Variants in AK7 observed in about 807,000 individuals in gnomAD.
The protein encoded by AK7 is ATP-AMP transphosphorylase 7.
In AK7, 78 loss-of-function variants were observed where a neutral mutation model predicts 96.6. That is an observed-to-expected ratio of 0.81 (90% CI 0.67 to 0.97). AK7 has a LOEUF of 0.97. Ranked by LOEUF, AK7 falls within the 50% of genes least tolerant of loss-of-function variation. The pLI is 0.00. For missense variants in AK7, 855 were observed against 887.9 expected, an observed-to-expected ratio of 0.96 and a Z score of 0.47; for synonymous variants, 302 against 317.2, an observed-to-expected ratio of 0.95 and a Z score of 0.51.
At chr14:96,406,057 A>AT (rs5810770) in intron 3 of AK7, among the ~76,000 whole-genome samples, 404 of 146,472 alleles carry the variant, frequency 2.8e-3, no homozygotes, top group African/African-American at 8.2e-3. Flanking sequence ...AAGCAACCTC[A>AT]TTTTTTTTTT....
At position 96,421,852 on chromosome 14, in the gene AK7, G is replaced by A. The variant is rs149695919; in HGVS notation, c.609+920G>A. 2.6e-4 allele frequency among the ~76,000 whole-genome samples: 40 copies of A among 152,208 alleles called. No homozygotes were observed. In the East Asian group the frequency reaches 6.4e-3, roughly 24 times the overall value. ...GATCTCCTGAACTCGTGATCCGCCC[G>A]CCTGGAACTCCCAAAGTGTTGGGAT... On this transcript the variant is annotated intron_variant, in intron 5 of 17. Transcript: ENST00000267584.
chr14:96,430,466 G>A (rs1892289189), intron 5 of AK7, among the ~76,000 whole-genome samples: 1 of 152,218 alleles, frequency 6.6e-6, no homozygotes, highest in South Asian at 2.1e-4. Context: ...GGGATTACAG[G>A]TGTGAGCCAC....
At chr14:96,431,226 T>C (rs1892331955) in intron 5 of AK7, among the ~76,000 whole-genome samples, 1 of 152,182 alleles carries the variant, frequency 6.6e-6, no homozygotes. Flanking sequence ...GATTCACTGA[T>C]TTTTTGAAGG....
chr14:96,424,049 C>A, intron 5 of AK7: 1 of 735,726 alleles, frequency 1.4e-6, no homozygotes, highest in Non-Finnish European at 2.5e-6. Context: ...AAATCAAGAC[C>A]ATCCCACGAA....
At chr14:96,421,607 CT>C (rs79982057) in intron 5 of AK7, 312 of 139,842 alleles carry the variant, frequency 2.2e-3, no homozygotes, top group Middle Eastern at 3.6e-3. Flanking sequence ...ATTCTCGTAG[CT>C]TTTTTTTTTT....
chr14:96,415,728 TTTTAATACATTAATTAAATTAATTAA>T (rs1219787682), intron 4 of AK7, among the ~76,000 whole-genome samples: 74 of 111,258 alleles, frequency 6.7e-4, no homozygotes, highest in Non-Finnish European at 1.2e-3. Context: ...TATTAATAAA[TTTTAATACATTAATTAAATTAATTAA>T]TTTAATACAT....
chr14:96,475,763 G>C (rs929808450), intron 14 of AK7, among the ~76,000 whole-genome samples: 1 of 152,124 alleles, frequency 6.6e-6, no homozygotes, highest in Admixed American at 6.5e-5. Context: ...CTTGAGTCCA[G>C]GAGTTGGAGA....
At chr14:96,480,794 C>T (rs1472512170) in intron 15 of AK7, among the ~76,000 whole-genome samples, 1 of 152,174 alleles carries the variant, frequency 6.6e-6, no homozygotes, top group African/African-American at 2.4e-5. Context: ...GTGCCCATCT[C>T]ATTTGGCCTC....
chr14:96,415,079 CA>C (rs1331660255), intron 4 of AK7, among the ~76,000 whole-genome samples: 1 of 151,444 alleles, frequency 6.6e-6, no homozygotes, highest in African/African-American at 2.4e-5. Flanking sequence ...CAAGCAGAAA[CA>C]AAAAGAGGAG....
chr14:96,407,016 CTT>C (rs992931662), intron 3 of AK7, among the ~76,000 whole-genome samples: 3 of 152,032 alleles, frequency 2.0e-5, no homozygotes, highest in African/African-American at 4.8e-5. Context: ...TTTTAAATGT[CTT>C]AGAATTCTCC....
At chr14:96,450,442 AAAAG>A in intron 9 of AK7, among the ~76,000 whole-genome samples, 1 of 151,822 alleles carries the variant, frequency 6.6e-6, no homozygotes, top group East Asian at 1.9e-4. Context: ...AAAAAAAAAA[AAAAG>A]AAACAAAACA....
intron 8 of AK7, among the ~76,000 whole-genome samples, 179 bp from the exon 9 acceptor site, chr14:96,449,623 G>C (rs368985680): frequency 2.0e-5 from 3 of 152,138 alleles, no homozygotes; most frequent in African/African-American, 7.2e-5. Context: ...TCGTAGAGAC[G>C]GGGTTTCACC....
chr14:96,486,841 G>T, intron 16 of AK7, 57 bp from the exon 17 acceptor site: 1 of 1,514,636 alleles, frequency 6.6e-7, no homozygotes, highest in Non-Finnish European at 9.1e-7. Context: ...TGAACTGTGT[G>T]AGTGTTCTCC....
At chr14:96,396,440 C>T (rs775485274) in intron 1 of AK7, among the ~76,000 whole-genome samples, 3 of 152,132 alleles carry the variant, frequency 2.0e-5, no homozygotes, top group Non-Finnish European at 4.4e-5. Flanking sequence ...GTTTCCTCAA[C>T]TGTGAAAGAG....
Position 96,442,769 on chromosome 14 carries a change from G to T in AK7, c.730G>T (p.Gly244Cys). 1 of 1,614,174 alleles carries T rather than the reference G, an allele frequency of 6.2e-7. No individual in the cohort carries two copies. ...CGAGATTCCTGCATTACCAGTTTTT[G>T]GCGATGGAACAAATGTAATTCCAAC... Reference protein sequence around the residue: ...LGEIPALPVFGDGTNVIPTIH... With the variant: ...LGEIPALPVFCDGTNVIPTIH... The change falls in exon 7 of 18, where the codon GGC (glycine) becomes TGC (cysteine). Residue 244 changes from glycine to cysteine, a missense_variant. Physicochemically the swap from Gly to Cys is radical, Grantham distance 159. Transcript: ENST00000267584.
At chr14:96,402,552 C>A (rs933593850) in intron 2 of AK7, among the ~76,000 whole-genome samples, 1 of 152,140 alleles carries the variant, frequency 6.6e-6, no homozygotes, top group Non-Finnish European at 1.5e-5. Flanking sequence ...TTCTTCTTTT[C>A]TTTCATGTGT....
intron 12 of AK7, among the ~76,000 whole-genome samples, chr14:96,459,445 G>T (rs1275923916): frequency 6.6e-6 from 1 of 151,876 alleles, no homozygotes; most frequent in Non-Finnish European, 1.5e-5. Context: ...CCAATCAGTT[G>T]GTTGTCCTTT....
At chr14:96,432,814 C>A (rs1464161674) in intron 5 of AK7, among the ~76,000 whole-genome samples, 1 of 140,556 alleles carries the variant, frequency 7.1e-6, no homozygotes, top group Non-Finnish European at 1.5e-5. Context: ...GAAACCCTAT[C>A]TCTACTAAAA....
chr14:96,460,100 A>G (rs1450137043), intron 12 of AK7, among the ~76,000 whole-genome samples: 1 of 152,198 alleles, frequency 6.6e-6, no homozygotes, highest in Non-Finnish European at 1.5e-5. Flanking sequence ...TTAGATAGTG[A>G]GTAGCCCCTT....
Sources: gnomAD v4.1 joint callset for allele counts (sites outside exome capture counted in the v4.1 genomes callset) on GRCh38, gnomAD v4.1.1 for gene constraint, MANE v1.5 for transcripts, NCBI Gene and HGNC (gene_info 2026-07-23, HGNC 2026-07-21) for gene names.